PAMR1: variants seen among roughly 807,000 people sequenced by gnomAD.
PAMR1 encodes the protein peptidase domain containing associated with muscle regeneration 1.
A neutral mutation model predicts 81.8 loss-of-function variants in PAMR1; 88 were observed. That is an observed-to-expected ratio of 1.08 (90% CI 0.91 to 1.28). PAMR1 has a LOEUF of 1.28. PAMR1 is among the 50% of genes most tolerant of loss of function. The pLI, the probability that PAMR1 is intolerant of heterozygous loss-of-function variation, is 0.00. For missense variants in PAMR1, 935 were observed against 919.7 expected, an observed-to-expected ratio of 1.02 and a Z score of -0.21; for synonymous variants, 336 against 345.3, an observed-to-expected ratio of 0.97 and a Z score of 0.30.
intron 3 of PAMR1, among the ~76,000 whole-genome samples, chr11:35,478,727 C>A (rs986462833): frequency 5.3e-5 from 8 of 152,170 alleles, no homozygotes; most frequent in Non-Finnish European, 8.8e-5. Flanking sequence ...GCCAACCTAG[C>A]AGGTGGTCCT....
chr11:35,443,400 C>T (rs533019947), intron 6 of PAMR1, among the ~76,000 whole-genome samples: 44 of 152,242 alleles, frequency 2.9e-4, no homozygotes, highest in Admixed American at 2.6e-3. Flanking sequence ...TGTTATTCCC[C>T]TCCCTGTGTC....
intron 1 of PAMR1, among the ~76,000 whole-genome samples, chr11:35,495,143 A>G (rs1056425535): frequency 6.6e-6 from 1 of 152,252 alleles, no homozygotes; most frequent in African/African-American, 2.4e-5. Context: ...AGTAGAGACT[A>G]TGTCATTTCT....
intron 1 of PAMR1, among the ~76,000 whole-genome samples, chr11:35,514,814 C>A (rs1367342256): frequency 2.0e-5 from 3 of 152,124 alleles, no homozygotes; most frequent in Admixed American, 1.3e-4. Context: ...AGCAAACCCA[C>A]CCCCGCACCA....
chr11:35,472,911 A>G (rs1850214639), intron 4 of PAMR1, among the ~76,000 whole-genome samples: 1 of 152,192 alleles, frequency 6.6e-6, no homozygotes, highest in African/African-American at 2.4e-5. Flanking sequence ...GAAAGGTTTC[A>G]ACAAGGGGAT....
intron 6 of PAMR1, among the ~76,000 whole-genome samples, chr11:35,444,293 T>C (rs767366362): frequency 2.0e-5 from 3 of 152,172 alleles, no homozygotes; most frequent in Non-Finnish European, 4.4e-5. Flanking sequence ...ATTCTGTAGG[T>C]TGTATGTTCA....
rs149076592 is a variant in PAMR1 at position 35,497,074 on chromosome 11, C to T, written c.74-2802G>A. Among the ~76,000 whole-genome samples, 790 of 152,038 alleles carry T rather than the reference C, an allele frequency of 5.2e-3. 1 individual carries two copies. The highest frequency in any genetic ancestry group is 0.018 in the African/African-American group (734 of 41,444). On this transcript the variant is annotated intron_variant, in intron 1 of 10. Transcript: ENST00000619888. ...CCCAGCTACTTAGGAGGCTGAGGCA[C>T]GAGAATCGCTTGAACCCAGGGGCAG...
At chr11:35,526,598 A>ATTG (rs1851396560), upstream of PAMR1, among the ~76,000 whole-genome samples, 1 of 152,248 alleles carries the variant, frequency 6.6e-6, no homozygotes, top group Non-Finnish European at 1.5e-5. Context: ...AAACGGAACC[A>ATTG]TTGAGGATTA....
chr11:35,452,860 T>G (rs976456275), intron 6 of PAMR1, among the ~76,000 whole-genome samples: 1 of 152,174 alleles, frequency 6.6e-6, no homozygotes, highest in Non-Finnish European at 1.5e-5. Flanking sequence ...TAATATAATT[T>G]TCTATGAAAT....
intron 1 of PAMR1, 63 bp from the exon 2 acceptor site, chr11:35,494,335 G>A (rs887507488): frequency 1.4e-5 from 19 of 1,365,868 alleles, no homozygotes; most frequent in Non-Finnish European, 1.9e-5. Context: ...CTCTTTGTTT[G>A]TTTGTTTGTT....
chr11:35,469,445 A>T (rs10836404), intron 5 of PAMR1, among the ~76,000 whole-genome samples: 48 of 152,142 alleles, frequency 3.2e-4, no homozygotes, highest in South Asian at 1.2e-3. Flanking sequence ...CCCCACAGAC[A>T]CATCTCATGT....
chr11:35,523,742 G>A (rs1028881180), intron 1 of PAMR1, among the ~76,000 whole-genome samples: 10 of 152,130 alleles, frequency 6.6e-5, no homozygotes, highest in Admixed American at 2.0e-4. Context: ...GTCTTCCCTC[G>A]AAATGTGAGT....
intron 8 of PAMR1, among the ~76,000 whole-genome samples, chr11:35,438,181 T>C (rs1294489491): frequency 6.6e-6 from 1 of 152,238 alleles, no homozygotes; most frequent in East Asian, 1.9e-4. Context: ...ACATCCTGGC[T>C]TTGCCACTCT....
At chr11:35,460,213 A>G (rs917283611) in intron 6 of PAMR1, among the ~76,000 whole-genome samples, 1 of 152,196 alleles carries the variant, frequency 6.6e-6, no homozygotes, top group Non-Finnish European at 1.5e-5. Context: ...AACCATTGCC[A>G]ACAGGCTGGT....
At chr11:35,515,701 C>T (rs1851150241) in intron 1 of PAMR1, among the ~76,000 whole-genome samples, 1 of 152,182 alleles carries the variant, frequency 6.6e-6, no homozygotes, top group African/African-American at 2.4e-5. Context: ...CTGCCACCAG[C>T]CCTATTTCAA....
chr11:35,494,314 G>A (rs1261019926), intron 1 of PAMR1, 42 bp from the exon 2 acceptor site: 2 of 1,518,248 alleles, frequency 1.3e-6, no homozygotes, highest in Admixed American at 1.7e-5. Context: ...TCCTGGCAGG[G>A]AGTGGTAAGA....
rs1280021023 is a variant in PAMR1 at position 35,432,889 on chromosome 11, A to C, written c.1630T>G (p.Ser544Ala). Residue 544 changes from serine (S) to alanine (A), a missense_variant, in exon 11 of 11, where the codon TCT (serine) becomes GCT (alanine). Ser to Ala is a moderately conservative substitution (Grantham distance 99). Coordinates refer to ENST00000619888, the MANE Select transcript of PAMR1 (RefSeq NM_001001991.3). Reference sequence around the variant, plus strand: ...TAGTTGGGATGCAGAATGATAGCAGAAATCTACAAATGCAAGGAATGGGCA... The same window carrying C: ...TAGTTGGGATGCAGAATGATAGCAGCAATCTACAAATGCAAGGAATGGGCA... Reference protein sequence around the residue: ...DEKTIQSLQISAIILHPNYDP... With the variant: ...DEKTIQSLQIAAIILHPNYDP... The C allele has an allele frequency of 1.3e-6, 2 of 1,569,804 alleles. No homozygotes were observed. Among genetic ancestry groups the C allele is most frequent in the East Asian group, 4.5e-5 (2 of 44,460 alleles).
At chr11:35,511,619 T>C (rs1349529422) in intron 1 of PAMR1, among the ~76,000 whole-genome samples, 1 of 152,170 alleles carries the variant, frequency 6.6e-6, no homozygotes, top group Non-Finnish European at 1.5e-5. Flanking sequence ...AAATTTCTAC[T>C]GAGGTTTTAT....
chr11:35,460,643 AG>A (rs1269450244), intron 6 of PAMR1, among the ~76,000 whole-genome samples: 2 of 152,170 alleles, frequency 1.3e-5, no homozygotes, highest in African/African-American at 2.4e-5. Flanking sequence ...GTCCCTACAA[AG>A]GACATGAACT....
intron 6 of PAMR1, among the ~76,000 whole-genome samples, chr11:35,447,455 G>A (rs548236475): frequency 5.9e-5 from 9 of 151,844 alleles, no homozygotes; most frequent in Non-Finnish European, 8.8e-5. Context: ...TGTCCGCCTC[G>A]GCCTCCCAAA....
Sources: allele counts gnomAD v4.1 joint callset (sites outside exome capture counted in the v4.1 genomes callset), GRCh38; gene constraint gnomAD v4.1.1; transcripts MANE v1.5; gene names NCBI Gene and HGNC (gene_info 2026-07-23, HGNC 2026-07-21).